The following TEC variants were observed in gnomAD, a reference collection of about 807,000 sequenced individuals.
TEC encodes the protein tyrosine-protein kinase Tec.
Under a neutral mutation model 93.0 loss-of-function variants are expected in TEC, and 72 were observed. That is an observed-to-expected ratio of 0.77 (90% CI 0.64 to 0.94). TEC has a LOEUF of 0.94. TEC is among the 40% of genes least tolerant of loss of function. The pLI is 0.00. For missense variants in TEC, 630 were observed against 757.9 expected, an observed-to-expected ratio of 0.83 and a Z score of 1.98; for synonymous variants, 249 against 247.7, an observed-to-expected ratio of 1.01 and a Z score of -0.05.
intron 2 of TEC, 50 bp from the exon 3 acceptor site, chr4:48,176,236 A>T: frequency 5.7e-6 from 8 of 1,396,376 alleles, no homozygotes; most frequent in Non-Finnish European, 7.0e-6. Context: ...ACATAAAAAA[A>T]TTAACAGTAA....
intron 1 of TEC, among the ~76,000 whole-genome samples, chr4:48,269,529 A>G (rs1560431454): frequency 6.6e-6 from 1 of 152,266 alleles, no homozygotes; most frequent in Admixed American, 6.5e-5. Flanking sequence ...CAGGAAGGCG[A>G]GGCTGCGCCA....
rs116220057 is a variant in TEC, at chr4:48,179,095, A to C, written c.139-2909T>G. Among the ~76,000 whole-genome samples the C allele has an allele frequency of 6.8e-3, 1,039 of 151,854 alleles. 14 individuals carry two copies. Among genetic ancestry groups the C allele is most frequent in the African/African-American group, 0.024 (979 of 41,364 alleles). On this transcript the variant is annotated intron_variant, in intron 2 of 17. Transcript: ENST00000381501. ...TTTTCTCCCTTCCCTTCAGTTTCTC[A>C]CAGGACAACACCTGTCATGTGTCAA... is the stretch of plus-strand genomic sequence containing the variant.
chr4:48,210,414 G>A (rs1378335254), intron 2 of TEC, among the ~76,000 whole-genome samples: 2 of 152,116 alleles, frequency 1.3e-5, no homozygotes, highest in Admixed American at 1.3e-4. Flanking sequence ...GAGCCCAGGA[G>A]TTTGAGGCTG....
At chr4:48,191,799 A>G (rs1722101968) in intron 2 of TEC, among the ~76,000 whole-genome samples, 1 of 152,084 alleles carries the variant, frequency 6.6e-6, no homozygotes, top group Non-Finnish European at 1.5e-5. Context: ...AAAATTACCC[A>G]GGTGTGGTGG....
chr4:48,252,855 C>G (rs1277019033), intron 1 of TEC, among the ~76,000 whole-genome samples: 1 of 152,216 alleles, frequency 6.6e-6, no homozygotes, highest in South Asian at 2.1e-4. Flanking sequence ...CAGTGGCCAG[C>G]AGAGTACTCA....
chr4:48,179,351 TA>T (rs1560393020), intron 2 of TEC, among the ~76,000 whole-genome samples: 33 of 41,170 alleles, frequency 8.0e-4, no homozygotes, highest in South Asian at 1.6e-3. Flanking sequence ...TATATATATA[TA>T]TATATATATA....
At chr4:48,255,978 T>C (rs1724329649) in intron 1 of TEC, among the ~76,000 whole-genome samples, 1 of 152,180 alleles carries the variant, frequency 6.6e-6, no homozygotes, top group Admixed American at 6.6e-5. Context: ...GAGGCCCAAA[T>C]ACAGAGTCAA....
chr4:48,206,747 C>T (rs1722727327), intron 2 of TEC, among the ~76,000 whole-genome samples: 1 of 145,792 alleles, frequency 6.9e-6, no homozygotes, highest in South Asian at 2.1e-4. Flanking sequence ...TCAAGACCAG[C>T]CTGGGCAATA....
At chr4:48,147,841 G>A (rs1420364450) in intron 11 of TEC, among the ~76,000 whole-genome samples, 2 of 152,138 alleles carry the variant, frequency 1.3e-5, no homozygotes, top group Non-Finnish European at 2.9e-5. Flanking sequence ...ATTACTATGT[G>A]TCAAGCCCTG....
At chr4:48,247,475 G>T (rs937847446) in intron 1 of TEC, among the ~76,000 whole-genome samples, 6 of 152,074 alleles carry the variant, frequency 3.9e-5, no homozygotes, top group Non-Finnish European at 7.4e-5. Context: ...GCCAAAAAGT[G>T]AAAACAACCC....
rs59441112 is a variant in TEC, at chr4:48,212,098, C to CAAAA, written c.138+16375_138+16378dup. 7.0e-3 allele frequency among the ~76,000 whole-genome samples: 607 copies of CAAAA among 86,404 alleles called. 10 individuals carry two copies. Among genetic ancestry groups the CAAAA allele is most frequent in the African/African-American group, 0.025 (537 of 21,864 alleles). 56.7% of individuals were successfully genotyped at this position (86,404 alleles called of 152,430 possible). On this transcript the variant is annotated intron_variant, in intron 2 of 17. Transcript: ENST00000381501. ...TGGGTGACAGAGTGAGACTCTGTCT[C>CAAAA]AAAAAAAAAAAAATATATATATATA...
At chr4:48,210,201 G>C (rs946050448) in intron 2 of TEC, among the ~76,000 whole-genome samples, 1 of 152,098 alleles carries the variant, frequency 6.6e-6, no homozygotes, top group Non-Finnish European at 1.5e-5. Flanking sequence ...ATGTAAAGTT[G>C]GTCAGACTCG....
At chr4:48,181,672 CA>C (rs35655873) in intron 2 of TEC, among the ~76,000 whole-genome samples, 41,959 of 106,416 alleles carry the variant, frequency 0.39, 6,382 homozygotes, top group East Asian at 0.59. Context: ...GACTCTGTCT[CA>C]AAAAAAAAAA....
At chr4:48,251,791 T>C (rs1724208575) in intron 1 of TEC, among the ~76,000 whole-genome samples, 1 of 152,172 alleles carries the variant, frequency 6.6e-6, no homozygotes, top group Non-Finnish European at 1.5e-5. Flanking sequence ...CAAAACTTTA[T>C]TGGGGTGACT....
chr4:48,183,458 T>G (rs1417198665), intron 2 of TEC, among the ~76,000 whole-genome samples: 3 of 152,302 alleles, frequency 2.0e-5, no homozygotes, highest in East Asian at 3.9e-4. Flanking sequence ...GTAAAGAAGA[T>G]CCACCTCTGC....
At position 48,186,589 on chromosome 4, in the gene TEC, G is replaced by A. The variant is rs371434464; in HGVS notation, c.139-10403C>T. On this transcript the variant is annotated intron_variant, in intron 2 of 17. Transcript: ENST00000381501. Reference sequence around the variant, plus strand: ...AGGAGCGTCTCCGCCCGGCCGCCCCGTCTGAGAAGTGAGGAGCCCCTCTGC... The same window carrying A: ...AGGAGCGTCTCCGCCCGGCCGCCCCATCTGAGAAGTGAGGAGCCCCTCTGC... 6.1e-3 allele frequency among the ~76,000 whole-genome samples: 904 copies of A among 149,362 alleles called. 19 individuals are homozygous for A. The highest frequency in any genetic ancestry group is 0.059 in the East Asian group (286 of 4,886).
chr4:48,187,762 C>T (rs533358872), intron 2 of TEC, among the ~76,000 whole-genome samples: 1 of 152,126 alleles, frequency 6.6e-6, no homozygotes, highest in African/African-American at 2.4e-5. Context: ...TGGTTTAATT[C>T]TTAACATTAG....
At chr4:48,143,933 T>C (rs1411127809) in intron 14 of TEC, among the ~76,000 whole-genome samples, 1 of 152,184 alleles carries the variant, frequency 6.6e-6, no homozygotes, top group African/African-American at 2.4e-5. Flanking sequence ...CTTTAAAAAA[T>C]GTTTTGCTAA....
At chr4:48,219,212 A>C (rs1264889402) in intron 2 of TEC, among the ~76,000 whole-genome samples, 1 of 152,234 alleles carries the variant, frequency 6.6e-6, no homozygotes, top group Non-Finnish European at 1.5e-5. Context: ...AGTGACCTAG[A>C]AGGCAAGAGG....
Sources: allele counts gnomAD v4.1 joint callset (sites outside exome capture counted in the v4.1 genomes callset), GRCh38; gene constraint gnomAD v4.1.1; transcripts MANE v1.5; gene names NCBI Gene and HGNC (gene_info 2026-07-23, HGNC 2026-07-21).